The following SNX4 variants were observed in gnomAD, a reference collection of about 807,000 sequenced individuals.
SNX4 encodes sorting nexin-4.
In SNX4, 49 loss-of-function variants were observed where a neutral mutation model predicts 70.8. The observed-to-expected ratio is 0.69, with a 90% CI of 0.55 to 0.88. The LOEUF is 0.88. Among genes scored for constraint, SNX4 ranks in the 40% least tolerant of loss-of-function variants. SNX4 has a pLI of 0.00. For missense variants in SNX4, 528 were observed against 544.8 expected (o/e 0.97, Z 0.31); for synonymous variants, 206 against 183.8 (o/e 1.12, Z -0.98).
At position 125,504,524 on chromosome 3, in the gene SNX4, AT is replaced by A. The variant is rs1244028133; in HGVS notation, c.263+98del. The A allele has an allele frequency of 5.6e-4, 674 of 1,209,922 alleles. 1 individual carries two copies. In the African/African-American group the frequency reaches 6.6e-3, roughly 12 times the overall value. The allele number at this position is 1,209,922 out of a possible 1,614,324, so 74.9% of individuals were successfully genotyped here. A position where few individuals can be genotyped will look rare whatever the true frequency, so the allele number is the denominator to read the frequency against. ...AACAAAGTCAATCCCGAAAAAAAAA[AT>A]AACCTTTAAAAAATTCTGTTATACA... On this transcript the variant is annotated intron_variant, in intron 2 of 13. Transcript: ENST00000251775.
intron 1 of SNX4, among the ~76,000 whole-genome samples, chr3:125,506,817 T>TGAAAAAAAAAAAAAAAAAAAAAAA (rs199752160): frequency 3.7e-5 from 1 of 26,820 alleles, no homozygotes; most frequent in African/African-American, 9.7e-5. Context: ...GTGGAGAAAG[T>TGAAAAAAAAAAAAAAAAAAAAAAA]AAAAAAAAAA....
chr3:125,487,205 G>C (rs951376153), intron 6 of SNX4, among the ~76,000 whole-genome samples: 2 of 151,950 alleles, frequency 1.3e-5, no homozygotes, highest in African/African-American at 4.8e-5. Context: ...TACATATTAA[G>C]AATCTGATAT....
chr3:125,505,101 C>T (rs1935019633), intron 1 of SNX4, among the ~76,000 whole-genome samples: 3 of 152,154 alleles, frequency 2.0e-5, no homozygotes, highest in Non-Finnish European at 4.4e-5. Flanking sequence ...TTCCAAGTAG[C>T]TGGGATTACA....
At chr3:125,462,578 T>A (rs1280602773) in intron 9 of SNX4, among the ~76,000 whole-genome samples, 2 of 117,786 alleles carry the variant, frequency 1.7e-5, no homozygotes, top group Non-Finnish European at 3.2e-5. Context: ...GTGACAGAGT[T>A]AGACTCTGTC....
rs1025833604 is a variant in SNX4, at chr3:125,500,328, C to T, written c.264-2134G>A. Reference sequence around the variant, plus strand: ...TTCCAAGCCATCAAGGCATTACTACCTATTCTAAAAGAGACATATATTTAT... The same window carrying T: ...TTCCAAGCCATCAAGGCATTACTACTTATTCTAAAAGAGACATATATTTAT... On this transcript the variant is annotated intron_variant, in intron 2 of 13. Coordinates refer to ENST00000251775, the MANE Select transcript of SNX4 (RefSeq NM_003794.4). Among the ~76,000 whole-genome samples, 8 of 152,212 alleles carry T rather than the reference C, an allele frequency of 5.3e-5. No individual in the cohort carries two copies. In the East Asian group the frequency reaches 9.6e-4, roughly 18 times the overall value.
At chr3:125,482,403 A>G (rs546856886) in intron 6 of SNX4, among the ~76,000 whole-genome samples, 64 of 152,192 alleles carry the variant, frequency 4.2e-4, no homozygotes, top group African/African-American at 1.5e-3. Flanking sequence ...CACCTCATAC[A>G]TTCCACTAAT....
Position 125,504,709 on chromosome 3 carries a change from T to C in SNX4, c.177A>G (p.Glu59=), listed in dbSNP as rs61762679. Reference sequence around the variant, plus strand: ...GTTTTTCTGCTTCTGAAACACTGATTTCTATCTTCTTCAACCAAAAATTAT... The same window carrying C: ...GTTTTTCTGCTTCTGAAACACTGATCTCTATCTTCTTCAACCAAAAATTAT... ...THNNFWLKKI[E]ISVSEAEKRT... is the part of the protein sequence containing the mutation. The change falls in exon 2 of 14, where the codon GAA becomes GAG. Residue 59 remains glutamate (E), a synonymous_variant. Transcript: ENST00000251775. 3.2e-4 allele frequency: 518 copies of C among 1,613,692 alleles called. No homozygotes were observed. Among genetic ancestry groups the C allele is most frequent in the Non-Finnish European group, 4.0e-4 (469 of 1,179,908 alleles).
chr3:125,473,612 A>G lies in SNX4; in HGVS notation c.788+3083T>C, dbSNP rs147740085. On this transcript the variant is annotated intron_variant, in intron 8 of 13. Coordinates refer to ENST00000251775, the MANE Select transcript of SNX4 (RefSeq NM_003794.4). ...GTATTTTTAGTAGAGATGAGGTTTC[A>G]CCATATTGGCCAGGCTGGTCTTGAA... 6.3e-3 allele frequency among the ~76,000 whole-genome samples: 964 copies of G among 152,182 alleles called. 9 individuals carry two copies. The highest frequency in any genetic ancestry group is 0.027 in the Middle Eastern group (8 of 292).
At chr3:125,506,617 T>C (rs1009628354) in intron 1 of SNX4, among the ~76,000 whole-genome samples, 2 of 150,836 alleles carry the variant, frequency 1.3e-5, no homozygotes, top group Admixed American at 6.6e-5. Context: ...GGGATTCTCC[T>C]GCCTTAGCCT....
intron 1 of SNX4, among the ~76,000 whole-genome samples, chr3:125,518,127 A>G (rs772198419): frequency 3.3e-5 from 5 of 152,190 alleles, no homozygotes; most frequent in African/African-American, 2.4e-5. Flanking sequence ...AAATTAACAT[A>G]AACAGATTTT....
At chr3:125,474,667 CA>C (rs541937711) in intron 8 of SNX4, among the ~76,000 whole-genome samples, 4 of 151,194 alleles carry the variant, frequency 2.6e-5, no homozygotes, top group Non-Finnish European at 5.9e-5. Context: ...ATTAAGCTGG[CA>C]AAAAAAACAA....
At chr3:125,501,605 G>A (rs1364052838) in intron 2 of SNX4, among the ~76,000 whole-genome samples, 1 of 150,500 alleles carries the variant, frequency 6.6e-6, no homozygotes, top group South Asian at 2.1e-4. Context: ...GGGTGACAGA[G>A]CGAGACTCCA....
intron 1 of SNX4, chr3:125,517,172 T>A (rs913840559): frequency 3.3e-5 from 5 of 151,934 alleles, no homozygotes; most frequent in African/African-American, 9.7e-5. Context: ...ACTTTTTTTT[T>A]AATGAAGCAA....
In SNX4 at chr3:125,447,387, C is replaced by A; in HGVS notation, c.*392G>T. 6.2e-6 allele frequency: 1 copy of A among 161,042 alleles called. No individual in the cohort carries two copies. The highest frequency in any genetic ancestry group is 1.3e-5 in the Non-Finnish European group (1 of 74,088). 10.0% of individuals were successfully genotyped at this position (161,042 alleles called of 1,614,324 possible). On this transcript the variant is annotated 3_prime_UTR_variant, in exon 14 of 14. Coordinates refer to ENST00000251775, the MANE Select transcript of SNX4 (RefSeq NM_003794.4). ...CCTATAACAGATTAGTGGATCTTACCAAGTAAATATAGGAATTCAATCTTA... is the reference window on the plus strand; with the variant it reads ...CCTATAACAGATTAGTGGATCTTACAAAGTAAATATAGGAATTCAATCTTA...
chr3:125,495,250 T>TTATATATATATATATATA (rs759787193), intron 5 of SNX4, among the ~76,000 whole-genome samples: 1,466 of 37,810 alleles, frequency 0.039, 148 homozygotes, highest in Non-Finnish European at 0.058. Context: ...CATTCTCTCT[T>TTATATATATATATATATA]TATATATATA....
rs753634556 is a variant in SNX4, at chr3:125,498,188, A to C, written c.270T>G (p.Val90=). 5.6e-6 allele frequency: 9 copies of C among 1,613,108 alleles called. No individual in the cohort carries two copies. The highest frequency in any genetic ancestry group is 1.7e-5 in the Admixed American group (1 of 59,728). The change falls in exon 3 of 14, where the codon GTT becomes GTG. Residue 90 remains valine (V), a synonymous_variant. Coordinates refer to ENST00000251775, the MANE Select transcript of SNX4 (RefSeq NM_003794.4). ...GGACACTCTGACCATCGGTATGTTC[A>C]ACTGACCTGAAAAGGAACAGAACAA... ...YTAYLIETRS[V]EHTDGQSVLT... is the part of the protein sequence containing the mutation.
At chr3:125,519,938 G>GGCCCC in intron 1 of SNX4, 94 bp downstream of exon 1, 1 of 835,268 alleles carries the variant, frequency 1.2e-6, no homozygotes, top group Admixed American at 5.6e-5. Context: ...CGAGCCCACT[G>GGCCCC]GCCCGGCCCG....
intron 11 of SNX4, among the ~76,000 whole-genome samples, chr3:125,457,044 T>C (rs1933735652): frequency 6.6e-6 from 1 of 152,120 alleles, no homozygotes; most frequent in South Asian, 2.1e-4. Context: ...TATAATTCTA[T>C]ACAGTACATG....
chr3:125,513,777 C>T (rs1935218425), intron 1 of SNX4, among the ~76,000 whole-genome samples: 1 of 152,052 alleles, frequency 6.6e-6, no homozygotes, highest in Non-Finnish European at 1.5e-5. Context: ...TCAGAGGTAG[C>T]TGGTACTAGG....
Sources: gnomAD v4.1 joint callset for allele counts (sites outside exome capture counted in the v4.1 genomes callset) on GRCh38, gnomAD v4.1.1 for gene constraint, MANE v1.5 for transcripts, NCBI Gene and HGNC (gene_info 2026-07-23, HGNC 2026-07-21) for gene names.